TMEM132B: variants seen among roughly 807,000 people sequenced by gnomAD.
TMEM132B encodes transmembrane protein 132B.
TMEM132B carries 18 observed loss-of-function variants against 90.8 expected under a neutral mutation model. That is an observed-to-expected ratio of 0.20 (90% CI 0.14 to 0.29). TMEM132B has a LOEUF of 0.29. Among genes scored for constraint, TMEM132B ranks in the 10% least tolerant of loss-of-function variants. The probability of loss-of-function intolerance (pLI) is 1.00; values close to 1 mark genes in which losing one functional copy is unlikely to be tolerated. For missense variants in TMEM132B, 1,096 were observed against 1,326.8 expected (o/e 0.83, Z 2.70); for synonymous variants, 504 against 523.3 (o/e 0.96, Z 0.50).
intron 1 of TMEM132B, among the ~76,000 whole-genome samples, chr12:125,256,416 C>T (rs372185494): frequency 1.3e-5 from 2 of 152,294 alleles, no homozygotes; most frequent in African/African-American, 4.8e-5. Flanking sequence ...GAAGGCAAAA[C>T]TTTAACTTGG....
At chr12:125,583,808 G>A (rs1387578285) in intron 4 of TMEM132B, 43 bp from the exon 5 acceptor site, 10 of 1,610,062 alleles carry the variant, frequency 6.2e-6, no homozygotes, top group Admixed American at 3.3e-5. Context: ...CGCCCCTGTG[G>A]TATGCACGTT....
Position 125,297,441 on chromosome 12 carries a change from G to T in TMEM132B, c.68-52011G>T, listed in dbSNP as rs185424968. 3.9e-5 allele frequency among the ~76,000 whole-genome samples: 6 copies of T among 152,358 alleles called. No homozygotes were observed. The South Asian group carries it at 1.2e-3, about 32-fold the overall frequency. ...GGAAAATGGCCAGCCTTCTGGCTTAGTGCTGTTCCCAACACCATCCATCCT... is the reference window on the plus strand; with the variant it reads ...GGAAAATGGCCAGCCTTCTGGCTTATTGCTGTTCCCAACACCATCCATCCT... On this transcript the variant is annotated intron_variant, in intron 1 of 8. Transcript: ENST00000682704.
intron 1 of TMEM132B, among the ~76,000 whole-genome samples, chr12:125,316,579 G>A (rs1176991668): frequency 5.1e-4 from 11 of 21,566 alleles, no homozygotes; most frequent in African/African-American, 1.4e-3. Context: ...CTATTTTCTA[G>A]AAGGTGGTCA....
chr12:125,515,831 C>A (rs1334401750), intron 3 of TMEM132B, among the ~76,000 whole-genome samples: 1 of 143,654 alleles, frequency 7.0e-6, no homozygotes. Context: ...TTCACACATT[C>A]TGTCACACAC....
At chr12:125,453,031 C>G (rs1190978360) in intron 3 of TMEM132B, among the ~76,000 whole-genome samples, 1 of 151,704 alleles carries the variant, frequency 6.6e-6, no homozygotes, top group Non-Finnish European at 1.5e-5. Flanking sequence ...AGGCTTGTCT[C>G]CTATAATTTA....
intron 5 of TMEM132B, among the ~76,000 whole-genome samples, chr12:125,591,849 A>C (rs10773179): frequency 0.63 from 96,337 of 151,942 alleles, 31,431 homozygotes; most frequent in Middle Eastern, 0.81. Flanking sequence ...CATTGGATTT[A>C]GGGGCCGTCC....
Position 125,438,656 on chromosome 12 carries a change from A to G in TMEM132B, c.1106+22979A>G, listed in dbSNP as rs1474016313. Among the ~76,000 whole-genome samples, 6 of 120,206 alleles carry G rather than the reference A, an allele frequency of 5.0e-5. No homozygotes were observed. In the East Asian group the frequency reaches 1.5e-3, roughly 30 times the overall value. 78.9% of individuals were successfully genotyped at this position (120,206 alleles called of 152,430 possible). A position where few individuals can be genotyped will look rare whatever the true frequency, so the allele number is the denominator to read the frequency against. ...AGCAAGAAACAAAACTCTCTATTGCATTCTCCTTCCTCCTTCTTCCTTCCT... is the reference window on the plus strand; with the variant it reads ...AGCAAGAAACAAAACTCTCTATTGCGTTCTCCTTCCTCCTTCTTCCTTCCT... On this transcript the variant is annotated intron_variant, in intron 3 of 8. Transcript: ENST00000682704.
chr12:125,508,638 T>C lies in TMEM132B; in HGVS notation c.1107-10801T>C, dbSNP rs537835014. 8.5e-5 allele frequency among the ~76,000 whole-genome samples: 13 copies of C among 152,278 alleles called. No individual in the cohort carries two copies. In the South Asian group the frequency reaches 2.1e-3, roughly 24 times the overall value. Reference sequence around the variant, plus strand: ...ATGGAGTCAACTTGCCTATTAGGCATGTAGAGGATCCCCACTTAATGAGGC... The same window carrying C: ...ATGGAGTCAACTTGCCTATTAGGCACGTAGAGGATCCCCACTTAATGAGGC... On this transcript the variant is annotated intron_variant, in intron 3 of 8. Transcript: ENST00000682704.
intron 3 of TMEM132B, among the ~76,000 whole-genome samples, chr12:125,434,351 T>C (rs1880636225): frequency 6.6e-6 from 1 of 152,224 alleles, no homozygotes; most frequent in Non-Finnish European, 1.5e-5. Context: ...CCTTTGACCA[T>C]GTAGGGCACC....
chr12:125,422,831 C>T (rs1880207120), intron 3 of TMEM132B, among the ~76,000 whole-genome samples: 2 of 152,170 alleles, frequency 1.3e-5, no homozygotes, highest in Non-Finnish European at 2.9e-5. Flanking sequence ...GGCAGGAGCA[C>T]GTTTCTTTCA....
chr12:125,631,050 T>G (rs1024588135), intron 5 of TMEM132B, among the ~76,000 whole-genome samples: 1 of 152,170 alleles, frequency 6.6e-6, no homozygotes, highest in African/African-American at 2.4e-5. Flanking sequence ...TTGCTGTTGC[T>G]TTTCTAGTTC....
chr12:125,574,467 T>C (rs1166915780), intron 4 of TMEM132B, among the ~76,000 whole-genome samples: 1 of 152,190 alleles, frequency 6.6e-6, no homozygotes, highest in Non-Finnish European at 1.5e-5. Flanking sequence ...AACAAGGTAC[T>C]TTAAGGCAAT....
At chr12:125,588,981 G>C (rs1344563441) in intron 5 of TMEM132B, among the ~76,000 whole-genome samples, 1 of 152,186 alleles carries the variant, frequency 6.6e-6, no homozygotes, top group East Asian at 1.9e-4. Context: ...TGCTTGACCT[G>C]TAATATATTA....
chr12:125,378,948 T>C (rs1878577270), intron 2 of TMEM132B, among the ~76,000 whole-genome samples: 1 of 152,162 alleles, frequency 6.6e-6, no homozygotes, highest in Non-Finnish European at 1.5e-5. Flanking sequence ...AGGTCTCATG[T>C]GTATAGCCCC....
intron 1 of TMEM132B, among the ~76,000 whole-genome samples, chr12:125,203,493 A>T (rs190837997): frequency 1.3e-5 from 2 of 152,212 alleles, no homozygotes; most frequent in Admixed American, 1.3e-4. Context: ...AACATTTTAT[A>T]TGTTAATTGG....
chr12:125,549,158 G>A (rs1190288845), intron 4 of TMEM132B, among the ~76,000 whole-genome samples: 2 of 152,236 alleles, frequency 1.3e-5, no homozygotes, highest in African/African-American at 2.4e-5. Flanking sequence ...TTTGTCAGCT[G>A]TTGTGATGTA....
At chr12:125,557,471 G>A (rs192030826) in intron 4 of TMEM132B, among the ~76,000 whole-genome samples, 238 of 152,234 alleles carry the variant, frequency 1.6e-3, no homozygotes, top group Non-Finnish European at 4.9e-4. Flanking sequence ...CATATCATCT[G>A]GGTCAATTAT....
At chr12:125,243,032 T>TACACAC (rs765539161) in intron 1 of TMEM132B, among the ~76,000 whole-genome samples, 4 of 135,030 alleles carry the variant, frequency 3.0e-5, no homozygotes, top group African/African-American at 8.3e-5. Context: ...TATATATATA[T>TACACAC]ACACACACAC....
At chr12:125,530,442 T>A (rs1883614636) in intron 4 of TMEM132B, among the ~76,000 whole-genome samples, 1 of 152,208 alleles carries the variant, frequency 6.6e-6, no homozygotes, top group Non-Finnish European at 1.5e-5. Context: ...CAGCGCTATG[T>A]TAGGCAGGAA....
Sources: allele counts gnomAD v4.1 joint callset (sites outside exome capture counted in the v4.1 genomes callset), GRCh38; gene constraint gnomAD v4.1.1; transcripts MANE v1.5; gene names NCBI Gene and HGNC (gene_info 2026-07-23, HGNC 2026-07-21).